ENTREP2: variants seen among roughly 807,000 people sequenced by gnomAD.
ENTREP2 encodes the protein protein ENTREP2.
chr15:29,239,834 T>A, the ENTREP2 span, among the ~76,000 whole-genome samples: 7 of 152,222 alleles, frequency 4.6e-5, no homozygotes, highest in African/African-American at 1.7e-4. Context: ...ACACTAGTTT[T>A]GCATCTCTTT....
the ENTREP2 span, among the ~76,000 whole-genome samples, chr15:29,603,760 T>G: frequency 6.6e-6 from 1 of 152,120 alleles, no homozygotes; most frequent in Non-Finnish European, 1.5e-5. Context: ...TGCCTCAGCC[T>G]CCCGAGTAGC....
At chr15:29,139,409 G>A in the ENTREP2 span, among the ~76,000 whole-genome samples, 1 of 152,240 alleles carries the variant, frequency 6.6e-6, no homozygotes, top group Admixed American at 6.5e-5. Flanking sequence ...CAGTCCTGAT[G>A]CCTGCTGCAC....
At chr15:29,212,034 C>T in the ENTREP2 span, among the ~76,000 whole-genome samples, 1 of 152,118 alleles carries the variant, frequency 6.6e-6, no homozygotes, top group African/African-American at 2.4e-5. Context: ...TCTTGTGGAA[C>T]AGTTTCAAAA....
At chr15:29,576,932 C>T in the ENTREP2 span, among the ~76,000 whole-genome samples, 122 of 152,054 alleles carry the variant, frequency 8.0e-4, no homozygotes, top group Non-Finnish European at 2.6e-4. Context: ...CTCAGCCTCC[C>T]GAGTAGCTGG....
At chr15:29,639,635 G>A in the ENTREP2 span, among the ~76,000 whole-genome samples, 1 of 151,970 alleles carries the variant, frequency 6.6e-6, no homozygotes, top group Non-Finnish European at 1.5e-5. Context: ...GTAAGACACT[G>A]TGAAAGAACA....
chr15:29,609,949 C>T, the ENTREP2 span: 1 of 150,464 alleles, frequency 6.6e-6, no homozygotes. Flanking sequence ...GAACAATGTA[C>T]TTAAATACTG....
At chr15:29,149,447 G>A in the ENTREP2 span, among the ~76,000 whole-genome samples, 3 of 152,226 alleles carry the variant, frequency 2.0e-5, no homozygotes, top group Admixed American at 6.5e-5. Flanking sequence ...GAGCAGAAAT[G>A]GCGCAGGGGT....
chr15:29,436,135 G>GAA, the ENTREP2 span, among the ~76,000 whole-genome samples: 1 of 152,064 alleles, frequency 6.6e-6, no homozygotes, highest in Admixed American at 6.6e-5. Flanking sequence ...TTCAGATGTC[G>GAA]GAGATCTTGC....
At chr15:29,167,623 C>T in the ENTREP2 span, among the ~76,000 whole-genome samples, 1,419 of 152,270 alleles carry the variant, frequency 9.3e-3, 20 homozygotes, top group African/African-American at 0.032. Context: ...TGTGATACCA[C>T]GTTACTCCTG....
At chr15:29,571,147 G>A in the ENTREP2 span, among the ~76,000 whole-genome samples, 1 of 151,608 alleles carries the variant, frequency 6.6e-6, no homozygotes, top group African/African-American at 2.4e-5. Context: ...CCGGGAGAGG[G>A]GCGGGGAAGG....
At chr15:29,632,509 C>T in the ENTREP2 span, among the ~76,000 whole-genome samples, 5 of 152,206 alleles carry the variant, frequency 3.3e-5, no homozygotes, top group East Asian at 1.9e-4. Flanking sequence ...AGGCCAGGCA[C>T]GGTGGCTCAT....
At chr15:29,426,535 A>C in the ENTREP2 span, among the ~76,000 whole-genome samples, 3 of 152,026 alleles carry the variant, frequency 2.0e-5, no homozygotes, top group Admixed American at 6.5e-5. Context: ...TTTCTCTCCT[A>C]ATTTCCCCAT....
chr15:29,439,735 T>C, the ENTREP2 span, among the ~76,000 whole-genome samples: 1 of 152,210 alleles, frequency 6.6e-6, no homozygotes, highest in Non-Finnish European at 1.5e-5. Flanking sequence ...ACTAATTCTT[T>C]GACACGCTCT....
the ENTREP2 span, among the ~76,000 whole-genome samples, chr15:29,284,910 C>T: frequency 1.3e-5 from 2 of 152,158 alleles, no homozygotes; most frequent in African/African-American, 2.4e-5. Flanking sequence ...CAAGTTATAA[C>T]ACAATTTTTC....
chr15:29,565,960 C>CAAA, the ENTREP2 span, among the ~76,000 whole-genome samples: 1 of 123,282 alleles, frequency 8.1e-6, no homozygotes, highest in South Asian at 2.7e-4. Flanking sequence ...GGCTCTGTCT[C>CAAA]AAAAAAAAAA....
chr15:29,214,081 A>T, the ENTREP2 span, among the ~76,000 whole-genome samples: 1 of 152,330 alleles, frequency 6.6e-6, no homozygotes, highest in East Asian at 1.9e-4. Context: ...ACACTTTTAC[A>T]CTGTTGGTGG....
At chr15:29,256,777 TAAGTCTGGCATTTA>T in the ENTREP2 span, among the ~76,000 whole-genome samples, 40 of 152,350 alleles carry the variant, frequency 2.6e-4, no homozygotes, top group South Asian at 3.9e-3. Context: ...AAGTTTCACA[TAAGTCTGGCATTTA>T]TTCTGTTCCT....
chr15:29,637,263 C>G, the ENTREP2 span, among the ~76,000 whole-genome samples: 1 of 152,268 alleles, frequency 6.6e-6, no homozygotes, highest in East Asian at 1.9e-4. Flanking sequence ...TTCCAAAACC[C>G]CAAACACTGA....
chr15:29,177,065 T>C, the ENTREP2 span, among the ~76,000 whole-genome samples: 6 of 151,464 alleles, frequency 4.0e-5, no homozygotes, highest in South Asian at 1.3e-3. Context: ...GAAGGAAGAG[T>C]TGGAGGGACG....
Sources: allele counts gnomAD v4.1 joint callset (sites outside exome capture counted in the v4.1 genomes callset), GRCh38; gene constraint gnomAD v4.1.1; transcripts MANE v1.5; gene names NCBI Gene and HGNC (gene_info 2026-07-23, HGNC 2026-07-21).